The following CNOT2 variants were observed in gnomAD, a reference collection of about 807,000 sequenced individuals.
CNOT2 encodes CCR4-NOT transcription complex subunit 2, also known as CC chemokine receptor 4-negative regulator of transcription 2.
A neutral mutation model predicts 72.1 loss-of-function variants in CNOT2; 7 were observed. That is an observed-to-expected ratio of 0.10 (90% confidence interval 0.06 to 0.18). The LOEUF is 0.18. Ranked by LOEUF, CNOT2 falls within the 10% of genes least tolerant of loss-of-function variation. The pLI, the probability that CNOT2 is intolerant of heterozygous loss-of-function variation, is 1.00. For missense variants in CNOT2, 345 were observed against 660.3 expected, an observed-to-expected ratio of 0.52 and a Z score of 5.23; for synonymous variants, 196 against 225.6, an observed-to-expected ratio of 0.87 and a Z score of 1.17.
intron 6 of CNOT2, among the ~76,000 whole-genome samples, chr12:70,331,893 G>A (rs554280948): frequency 8.6e-5 from 13 of 151,386 alleles, no homozygotes; most frequent in Admixed American, 7.2e-4. Context: ...AAAGACATGT[G>A]GTTTCACTAT....
At chr12:70,342,798 G>A (rs935515419) in intron 13 of CNOT2, among the ~76,000 whole-genome samples, 4 of 151,960 alleles carry the variant, frequency 2.6e-5, no homozygotes, top group Admixed American at 6.6e-5. Flanking sequence ...AAAGAAAATG[G>A]TGGCACTTTT....
chr12:70,267,600 A>G (rs1236284677), intron 1 of CNOT2, among the ~76,000 whole-genome samples: 1 of 152,202 alleles, frequency 6.6e-6, no homozygotes, highest in Non-Finnish European at 1.5e-5. Flanking sequence ...CACTGCACTT[A>G]TATCACTTCA....
intron 2 of CNOT2, among the ~76,000 whole-genome samples, chr12:70,302,098 A>T (rs973947432): frequency 9.9e-5 from 15 of 151,540 alleles, no homozygotes; most frequent in Non-Finnish European, 2.1e-4. Context: ...CATCTATTTG[A>T]TTCTTCTCTC....
intron 1 of CNOT2, among the ~76,000 whole-genome samples, chr12:70,255,793 A>G (rs890341212): frequency 1.3e-5 from 2 of 152,200 alleles, no homozygotes; most frequent in Admixed American, 1.3e-4. Flanking sequence ...ATTCTTTCAT[A>G]TTAACTAAGG....
intron 2 of CNOT2, among the ~76,000 whole-genome samples, chr12:70,284,732 A>G (rs1011415130): frequency 2.0e-5 from 3 of 152,122 alleles, no homozygotes; most frequent in East Asian, 3.9e-4. Context: ...TGAATGCATT[A>G]TACGTTCTGA....
intron 1 of CNOT2, among the ~76,000 whole-genome samples, chr12:70,256,679 C>T (rs1022891651): frequency 6.6e-6 from 1 of 151,542 alleles, no homozygotes; most frequent in Non-Finnish European, 1.5e-5. Context: ...ACTTCCAAGC[C>T]TATAACCTAG....
In CNOT2 at chr12:70,346,244, G is replaced by C; in HGVS notation, c.1456G>C (p.Glu486Gln). ...ATGGATTACCAGGGCACCAGGCATGGAGCCAACAATGAAAACCAATACCTA... is the reference window on the plus strand; with the variant it reads ...ATGGATTACCAGGGCACCAGGCATGCAGCCAACAATGAAAACCAATACCTA... ...RVWITRAPGMEPTMKTNTYER... is the reference protein window; with the variant it reads ...RVWITRAPGMQPTMKTNTYER... The change falls in exon 15 of 16, where the codon GAG becomes CAG. Residue 486 changes from glutamate to glutamine, a missense_variant. Around this residue, in one of 4 missense-constraint regions of CNOT2, gnomAD observed 53 missense variants for 153.4 expected, o/e 0.35. Coordinates refer to ENST00000229195, the MANE Select transcript of CNOT2 (RefSeq NM_014515.7). 6.2e-7 allele frequency: 1 copy of C among 1,610,498 alleles called. No individual in the cohort carries two copies. The highest frequency in any genetic ancestry group is 8.5e-7 in the Non-Finnish European group (1 of 1,176,770).
At chr12:70,289,337 T>G (rs1871459308) in intron 2 of CNOT2, among the ~76,000 whole-genome samples, 1 of 152,106 alleles carries the variant, frequency 6.6e-6, no homozygotes. Context: ...TAGTCTTGTG[T>G]GTATAATATA....
chr12:70,326,667 T>C (rs1238272270), intron 4 of CNOT2, among the ~76,000 whole-genome samples: 1 of 151,838 alleles, frequency 6.6e-6, no homozygotes, highest in African/African-American at 2.4e-5. Flanking sequence ...ACCTTTCCAG[T>C]GCCATTCTTT....
intron 1 of CNOT2, among the ~76,000 whole-genome samples, chr12:70,277,049 T>G (rs1231175179): frequency 1.3e-5 from 2 of 152,088 alleles, no homozygotes; most frequent in East Asian, 1.9e-4. Flanking sequence ...TTTTAATAAT[T>G]CTAATTCACT....
At chr12:70,275,900 G>A (rs1868704691) in intron 1 of CNOT2, among the ~76,000 whole-genome samples, 1 of 152,000 alleles carries the variant, frequency 6.6e-6, no homozygotes, top group Non-Finnish European at 1.5e-5. Context: ...GGTGACAGAT[G>A]TTAACTTTTC....
At chr12:70,266,117 T>TTAG (rs1287227551) in intron 1 of CNOT2, among the ~76,000 whole-genome samples, 1 of 151,966 alleles carries the variant, frequency 6.6e-6, no homozygotes, top group Non-Finnish European at 1.5e-5. Flanking sequence ...ATTATTATTA[T>TTAG]TATTTTTCAG....
chr12:70,248,623 A>G (rs376884762), intron 1 of CNOT2, among the ~76,000 whole-genome samples: 18 of 152,202 alleles, frequency 1.2e-4, no homozygotes, highest in Non-Finnish European at 2.2e-4. Context: ...TTGTGAGCCA[A>G]TTTTCTGCCC....
At chr12:70,314,207 AACTGCC>A (rs1232066357) in intron 3 of CNOT2, among the ~76,000 whole-genome samples, 2 of 152,176 alleles carry the variant, frequency 1.3e-5, no homozygotes, top group Non-Finnish European at 2.9e-5. Flanking sequence ...TTTTATAACA[AACTGCC>A]ATGTAAAAGT....
intron 6 of CNOT2, among the ~76,000 whole-genome samples, chr12:70,332,137 A>G (rs1880049396): frequency 6.6e-6 from 1 of 151,758 alleles, no homozygotes; most frequent in Non-Finnish European, 1.5e-5. Flanking sequence ...AGAATGATGT[A>G]TTTTTGAGCA....
At chr12:70,283,159 C>G (rs1218181544) in intron 2 of CNOT2, among the ~76,000 whole-genome samples, 1 of 152,118 alleles carries the variant, frequency 6.6e-6, no homozygotes, top group Non-Finnish European at 1.5e-5. Context: ...ACATGTTTCT[C>G]TCTCTGAAGT....
intron 1 of CNOT2, among the ~76,000 whole-genome samples, chr12:70,265,295 C>CTT (rs1306727337): frequency 1.8e-4 from 26 of 144,046 alleles, no homozygotes; most frequent in African/African-American, 5.2e-4. Context: ...CTTCTCTTCT[C>CTT]TTCTCTTCTC....
intron 2 of CNOT2, among the ~76,000 whole-genome samples, chr12:70,282,950 G>C (rs551762025): frequency 6.6e-6 from 1 of 152,054 alleles, no homozygotes; most frequent in South Asian, 2.1e-4. Flanking sequence ...AATTCACCAA[G>C]GATTTCTGCA....
chr12:70,259,385 A>G (rs554893080), intron 1 of CNOT2, among the ~76,000 whole-genome samples: 210 of 152,246 alleles, frequency 1.4e-3, no homozygotes, highest in African/African-American at 4.7e-3. Context: ...GGAAGTTTAC[A>G]TATAATACAA....
Sources: gnomAD v4.1 joint callset for allele counts (sites outside exome capture counted in the v4.1 genomes callset) on GRCh38, gnomAD v4.1.1 for gene constraint, gnomAD v4.1.1 regional missense constraint, MANE v1.5 for transcripts, NCBI Gene and HGNC (gene_info 2026-07-23, HGNC 2026-07-21) for gene names.